TPPP: variants seen among roughly 807,000 people sequenced by gnomAD.
TPPP encodes tubulin polymerization promoting protein, also known as tubulin polymerization-promoting protein.
TPPP carries 6 observed loss-of-function variants against 15.5 expected under a neutral mutation model. The observed-to-expected ratio is 0.39, with a 90% CI of 0.21 to 0.77. The LOEUF is 0.77. Ranked by LOEUF, TPPP falls within the 30% of genes least tolerant of loss-of-function variation. The pLI is 0.42. For synonymous variants in TPPP, 146 were observed against 133.9 expected (o/e 1.09, Z -0.63); for missense variants, 269 against 307.2 (o/e 0.88, Z 0.93).
intron 1 of TPPP, among the ~76,000 whole-genome samples, chr5:685,690 G>A (rs940091536): frequency 6.6e-6 from 1 of 152,222 alleles, no homozygotes; most frequent in African/African-American, 2.4e-5. Flanking sequence ...CTGCCTCTGG[G>A]AACCACATCT....
upstream of TPPP, among the ~76,000 whole-genome samples, chr5:696,956 G>A (rs551096081): frequency 2.1e-4 from 31 of 148,488 alleles, no homozygotes; most frequent in African/African-American, 2.9e-4. Flanking sequence ...GTATGTCCAC[G>A]TGCCTGTGTC....
chr5:680,859 C>CAG (rs1463566506), intron 1 of TPPP, among the ~76,000 whole-genome samples: 29 of 152,232 alleles, frequency 1.9e-4, no homozygotes, highest in Admixed American at 1.6e-3. Context: ...CTAAAAATGA[C>CAG]AATGAATTAG....
intron 2 of TPPP, chr5:666,842 A>G (rs1241392546): frequency 6.6e-6 from 1 of 152,202 alleles, no homozygotes; most frequent in Non-Finnish European, 1.5e-5. Context: ...CTAATTAGAA[A>G]ACATTTTTCT....
intron 2 of TPPP, among the ~76,000 whole-genome samples, chr5:671,235 C>T (rs370857133): frequency 5.8e-5 from 8 of 138,354 alleles, no homozygotes; most frequent in East Asian, 2.4e-4. Context: ...CCGGCCTTTT[C>T]GTTTTCCTGG....
At chr5:672,672 G>A (rs984512465) in intron 2 of TPPP, among the ~76,000 whole-genome samples, 4 of 152,242 alleles carry the variant, frequency 2.6e-5, no homozygotes, top group African/African-American at 7.2e-5. Flanking sequence ...CCCCTCCCCA[G>A]GCTCGAGGAG....
chr5:699,341 A>G, the TPPP span, among the ~76,000 whole-genome samples: 3 of 152,046 alleles, frequency 2.0e-5, no homozygotes, highest in African/African-American at 4.8e-5. Context: ...ACACAAAGTC[A>G]ATAAAAATCA....
chr5:693,852 G>C (rs1423288977), upstream of TPPP, among the ~76,000 whole-genome samples: 2 of 149,750 alleles, frequency 1.3e-5, no homozygotes, highest in African/African-American at 4.9e-5. Context: ...GACGGTGCAG[G>C]GAAGCGGCAG....
the TPPP span, among the ~76,000 whole-genome samples, chr5:699,204 AG>A: frequency 6.6e-6 from 1 of 152,112 alleles, no homozygotes; most frequent in Non-Finnish European, 1.5e-5. Context: ...AGAAGAACAA[AG>A]TTTCAGGCAT....
At chr5:672,242 C>A (rs774625448) in intron 2 of TPPP, among the ~76,000 whole-genome samples, 13 of 152,288 alleles carry the variant, frequency 8.5e-5, no homozygotes, top group African/African-American at 3.1e-4. Flanking sequence ...CAGCCCTCCA[C>A]GCTCGGGGCA....
the TPPP span, among the ~76,000 whole-genome samples, chr5:698,548 A>C: frequency 6.6e-6 from 1 of 152,122 alleles, no homozygotes; most frequent in South Asian, 2.1e-4. Context: ...CAAAAGGCAG[A>C]TCATACACGG....
Position 663,358 on chromosome 5 carries a change from G to A in TPPP, c.*1744C>T, listed in dbSNP as rs1053477873. 1 of 152,468 alleles carries A rather than the reference G, an allele frequency of 6.6e-6. No homozygotes were observed. Among genetic ancestry groups the A allele is most frequent in the African/African-American group, 2.4e-5 (1 of 41,466 alleles). The allele number at this position is 152,468 out of a possible 1,614,324, so 9.4% of individuals were successfully genotyped here. On this transcript the variant is annotated 3_prime_UTR_variant, in exon 4 of 4. Transcript: ENST00000360578. ...CCCGCCTTCCCCAGGCCGGTGAGGT[G>A]ACATCCTAAAGGAGCCACGAAGCCT...
At chr5:669,264 A>G (rs1028199855) in intron 2 of TPPP, among the ~76,000 whole-genome samples, 1 of 140,184 alleles carries the variant, frequency 7.1e-6, no homozygotes, top group African/African-American at 2.7e-5. Flanking sequence ...AGCATCCCCC[A>G]GGGGGCGCTG....
intron 1 of TPPP, chr5:692,731 C>G: frequency 1.0e-6 from 1 of 981,182 alleles, no homozygotes; most frequent in Non-Finnish European, 1.2e-6. Flanking sequence ...GGGGGGCGGT[C>G]TGACAGCCCC....
At chr5:672,288 C>T (rs1463640555) in intron 2 of TPPP, among the ~76,000 whole-genome samples, 11 of 151,220 alleles carry the variant, frequency 7.3e-5, no homozygotes, top group Admixed American at 5.9e-4. Flanking sequence ...CTGCTGTTCT[C>T]AGTCTCCCAC....
intron 2 of TPPP, among the ~76,000 whole-genome samples, chr5:670,607 G>A (rs1245984008): frequency 1.3e-5 from 2 of 152,104 alleles, no homozygotes; most frequent in Admixed American, 6.5e-5. Context: ...TAGGGACGCG[G>A]CCTTAGGGGA....
chr5:675,503 C>G (rs112232633), intron 2 of TPPP, among the ~76,000 whole-genome samples: 1,030 of 31,380 alleles, frequency 0.033, 47 homozygotes, highest in Admixed American at 0.17. Flanking sequence ...GTGGCCGGGG[C>G]TGCAGTGTGA....
chr5:673,349 G>A (rs958071215), intron 2 of TPPP, among the ~76,000 whole-genome samples: 13 of 152,206 alleles, frequency 8.5e-5, no homozygotes, highest in African/African-American at 1.7e-4. Flanking sequence ...GGGACCCCCC[G>A]AGGGGAGTCC....
At chr5:694,188 C>T (rs562068397), upstream of TPPP, among the ~76,000 whole-genome samples, 73 of 151,602 alleles carry the variant, frequency 4.8e-4, no homozygotes, top group African/African-American at 1.6e-3. Flanking sequence ...GGAGGGGGCT[C>T]ATTCCGCCCG....
At chr5:684,945 G>T (rs1008320573) in intron 1 of TPPP, among the ~76,000 whole-genome samples, 1 of 152,154 alleles carries the variant, frequency 6.6e-6, no homozygotes, top group Admixed American at 6.5e-5. Flanking sequence ...GCATCCCCAC[G>T]GCACACTCGG....
Sources: allele counts gnomAD v4.1 joint callset (sites outside exome capture counted in the v4.1 genomes callset), GRCh38; gene constraint gnomAD v4.1.1; transcripts MANE v1.5; gene names NCBI Gene and HGNC (gene_info 2026-07-23, HGNC 2026-07-21).